BRME1: variants seen among roughly 807,000 people sequenced by gnomAD.
BRME1 encodes BRCA2 and MEILB2-associating protein 1.
BRME1 carries 31 observed loss-of-function variants against 52.6 expected under a neutral mutation model. The observed-to-expected ratio is 0.59, with a 90% CI of 0.44 to 0.80. The LOEUF (loss-of-function observed/expected upper bound fraction) is 0.80, where lower values mean the gene tolerates loss of function less well. Ranked by LOEUF, BRME1 falls within the 30% of genes least tolerant of loss-of-function variation. The pLI, the probability that BRME1 is intolerant of heterozygous loss-of-function variation, is 0.00. For synonymous variants in BRME1, 359 were observed against 353.6 expected (o/e 1.02, Z -0.17); for missense variants, 804 against 860.3 (o/e 0.93, Z 0.82).
rs759078366 is a variant in BRME1, at chr19:13,890,447, A to G, written c.409T>C (p.Ser137Pro). The G allele has an allele frequency of 6.7e-7, 1 of 1,500,430 alleles. No individual in the cohort carries two copies. Among genetic ancestry groups the G allele is most frequent in the Non-Finnish European group, 8.8e-7 (1 of 1,130,854 alleles). The allele number at this position is 1,500,430 out of a possible 1,614,324, so 92.9% of individuals were successfully genotyped here. A position where few individuals can be genotyped will look rare whatever the true frequency, so the allele number is the denominator to read the frequency against. Reference sequence around the variant, plus strand: ...TGGCATCCTGGACTCTGGGCGCTGGACTCTGCGATTGTTTCCTGTGGACAG... The same window carrying G: ...TGGCATCCTGGACTCTGGGCGCTGGGCTCTGCGATTGTTTCCTGTGGACAG... ...GAFSLETIAE[S>P]SAQSPGCQLL... Residue 137 changes from serine to proline, a missense_variant, in exon 6 of 9, where the codon TCC becomes CCC. Transcript: ENST00000586783.
At chr19:13,894,473 C>T (rs1003121943) in intron 3 of BRME1, among the ~76,000 whole-genome samples, 34 of 151,588 alleles carry the variant, frequency 2.2e-4, no homozygotes, top group Admixed American at 2.0e-3. Context: ...TGCAGTGAGC[C>T]GAGATTGTGC....
rs550872770 is a variant in BRME1 at position 13,889,037 on chromosome 19, T to C, written c.1668+151A>G. 8.7e-5 allele frequency: 60 copies of C among 690,482 alleles called. No individual in the cohort carries two copies. In the African/African-American group the frequency reaches 9.8e-4, roughly 11 times the overall value. 42.8% of individuals were successfully genotyped at this position (690,482 alleles called of 1,614,324 possible). ...CCACCGACTCCACACCCAGTAGAGC[T>C]GCAACTCGGACTCCTATAGTCGTTG... On this transcript the variant is annotated intron_variant, in intron 6 of 8. Coordinates refer to ENST00000586783, the MANE Select transcript of BRME1 (RefSeq NM_001345843.2).
chr19:13,890,288 G>A lies in BRME1; in HGVS notation c.568C>T (p.Gln190Ter), dbSNP rs1969386036. The change falls in exon 6 of 9, where the codon CAG becomes TAG. Residue 190 changes from glutamine to a stop codon, truncating the protein, a stop_gained. Transcript: ENST00000586783. LOFTEE classifies it high-confidence loss of function. ...CCCCTGTCTGGAGGGTCATCAGGCT[G>A]AGAATCCCCACTGCCGGGCACCGCC... ...VQAVPGSGDS[Q>*]PDDPPDRGTG... The A allele has an allele frequency of 6.2e-7, 1 of 1,612,228 alleles. No individual in the cohort carries two copies. The highest frequency in any genetic ancestry group is 8.5e-7 in the Non-Finnish European group (1 of 1,178,894).
intron 2 of BRME1, among the ~76,000 whole-genome samples, chr19:13,896,122 T>C (rs1362458280): frequency 2.6e-5 from 4 of 151,920 alleles, no homozygotes; most frequent in African/African-American, 9.7e-5. Context: ...ATACAAAAAT[T>C]AGCCGGGCAT....
At chr19:13,896,087 T>G (rs1321488689) in intron 2 of BRME1, among the ~76,000 whole-genome samples, 1 of 152,136 alleles carries the variant, frequency 6.6e-6, no homozygotes, top group Non-Finnish European at 1.5e-5. Context: ...CTGGCCAACA[T>G]GGCAAAACCC....
chr19:13,886,197 G>A, intron 6 of BRME1, 142 bp from the exon 7 acceptor site: 1 of 648,022 alleles, frequency 1.5e-6, no homozygotes, highest in East Asian at 2.9e-5. Context: ...CTCCTGCAGA[G>A]GAAGAGCGGT....
intron 2 of BRME1, among the ~76,000 whole-genome samples, chr19:13,901,628 G>A (rs569371455): frequency 6.6e-6 from 1 of 151,710 alleles, no homozygotes; most frequent in Admixed American, 6.6e-5. Flanking sequence ...GAACCCAGGA[G>A]GCAGAGGTTA....
At chr19:13,894,132 C>T (rs1260511065) in intron 3 of BRME1, among the ~76,000 whole-genome samples, 2 of 152,040 alleles carry the variant, frequency 1.3e-5, no homozygotes, top group East Asian at 1.9e-4. Context: ...CTCATTTGGA[C>T]GGACACTCCA....
rs779707758 is a variant in BRME1, at chr19:13,890,116, G to A, written c.740C>T (p.Pro247Leu). ...LPSIDSEGEK[P>L]DRGAPQEGGA... is the part of the protein sequence containing the mutation. ...TCCCTCCTGGGGGGCTCCTCTGTCT[G>A]GCTTCTCCCCTTCAGAATCAATGCT... Residue 247 changes from proline (P) to leucine (L), a missense_variant, in exon 6 of 9, where the codon CCA becomes CTA. Transcript: ENST00000586783. 6.2e-7 allele frequency: 1 copy of A among 1,614,146 alleles called. No homozygotes were observed. Among genetic ancestry groups the A allele is most frequent in the South Asian group, 1.1e-5 (1 of 91,090 alleles).
In BRME1 at chr19:13,883,398, G is replaced by A; in HGVS notation, c.1766C>T (p.Thr589Ile). 1 of 1,532,314 alleles carries A rather than the reference G, an allele frequency of 6.5e-7. No homozygotes were observed. The highest frequency in any genetic ancestry group is 8.7e-7 in the Non-Finnish European group (1 of 1,143,740). 94.9% of individuals were successfully genotyped at this position (1,532,314 alleles called of 1,614,324 possible). A position where few individuals can be genotyped will look rare whatever the true frequency, so the allele number is the denominator to read the frequency against. ...CTCAGAGGCCTGGATCCCCACGAAG[G>A]TCCTGGCCAGCAGGGAAGGAAATTG... ...PVAVAKAQPRTFVGIQASEAS... is the reference protein window; with the variant it reads ...PVAVAKAQPRIFVGIQASEAS... Residue 589 changes from threonine to isoleucine, a missense_variant and splice_region_variant, in exon 8 of 9, where the codon ACC (threonine) becomes ATC (isoleucine). Thr to Ile is a moderately conservative substitution (Grantham distance 89). Around this residue, in one of 3 missense-constraint regions of BRME1, gnomAD observed 552 missense variants for 561.1 expected, o/e 0.98. Transcript: ENST00000586783. The surrounding 1 kb of genome is among the most constrained non-coding windows in gnomAD (Gnocchi z 4.2).
At chr19:13,889,104 C>T in intron 6 of BRME1, 84 bp downstream of exon 6, 8 of 1,310,718 alleles carry the variant, frequency 6.1e-6, no homozygotes, top group Non-Finnish European at 8.3e-6. Flanking sequence ...TCCCCCTCTG[C>T]CACTGCACCG....
chr19:13,891,469 T>C (rs926488365), intron 5 of BRME1, among the ~76,000 whole-genome samples: 2 of 150,818 alleles, frequency 1.3e-5, no homozygotes, highest in Admixed American at 6.6e-5. Flanking sequence ...TTTTTATTAT[T>C]TATTTTTCAT....
chr19:13,883,006 A>T lies in BRME1; in HGVS notation c.1857-54T>A, dbSNP rs1968751521. On this transcript the variant is annotated intron_variant, in intron 8 of 8. Transcript: ENST00000586783. This position sits in a 1 kb window ranked among gnomAD's most constrained non-coding sequence, Gnocchi z 4.2. ...GGGCTCAGTGGTCACCAGGTGACAG[A>T]GGGGGCCGCGCCTCACAGCCACATG... is the stretch of plus-strand genomic sequence containing the variant. 6.3e-7 allele frequency: 1 copy of T among 1,580,854 alleles called. No homozygotes were observed. The highest frequency in any genetic ancestry group is 8.6e-7 in the Non-Finnish European group (1 of 1,164,924).
intron 3 of BRME1, among the ~76,000 whole-genome samples, chr19:13,893,707 A>C (rs1969681998): frequency 6.6e-6 from 1 of 152,008 alleles, no homozygotes; most frequent in African/African-American, 2.4e-5. Context: ...GTGGATGCCC[A>C]GGAGTTTGAG....
intron 2 of BRME1, among the ~76,000 whole-genome samples, chr19:13,903,400 C>T (rs972082779): frequency 2.6e-5 from 4 of 151,944 alleles, no homozygotes; most frequent in Non-Finnish European, 5.9e-5. Flanking sequence ...AGGCCGGGCA[C>T]GGTGGCTCCC....
chr19:13,895,593 T>C, intron 2 of BRME1, 47 bp from the exon 3 acceptor site: 1 of 1,522,942 alleles, frequency 6.6e-7, no homozygotes, highest in East Asian at 2.3e-5. Context: ...ATACAGCCAC[T>C]GCTCATGGCT....
intron 2 of BRME1, among the ~76,000 whole-genome samples, chr19:13,904,402 G>A (rs549741996): frequency 2.8e-4 from 41 of 148,890 alleles, no homozygotes; most frequent in African/African-American, 4.4e-4. Flanking sequence ...CCACCACACC[G>A]GCCTTCTATT....
chr19:13,896,689 T>C (rs997138586), intron 2 of BRME1, among the ~76,000 whole-genome samples: 1 of 149,280 alleles, frequency 6.7e-6, no homozygotes, highest in African/African-American at 2.4e-5. Flanking sequence ...ATATACTATA[T>C]ATATATTTTT....
chr19:13,904,592 C>T (rs1230500692), intron 2 of BRME1, among the ~76,000 whole-genome samples: 2 of 151,920 alleles, frequency 1.3e-5, no homozygotes, highest in East Asian at 1.9e-4. Flanking sequence ...CAGGCATGTG[C>T]CACAACACCT....
Sources: gnomAD v4.1 joint callset for allele counts (sites outside exome capture counted in the v4.1 genomes callset) on GRCh38, gnomAD v4.1.1 for gene constraint, gnomAD v4.1.1 regional missense constraint, Gnocchi (gnomAD v3.1) non-coding constraint, MANE v1.5 for transcripts, NCBI Gene and HGNC (gene_info 2026-07-23, HGNC 2026-07-21) for gene names.